Variants in RANBP2 observed in about 807,000 individuals in gnomAD.
RANBP2 encodes the protein E3 SUMO-protein ligase RanBP2.
A neutral mutation model predicts 303.6 loss-of-function variants in RANBP2; 57 were observed. The ratio of observed to expected loss-of-function variants is 0.19; its 90% confidence interval spans 0.15 to 0.23. The LOEUF is 0.23. Among genes scored for constraint, RANBP2 ranks in the 10% least tolerant of loss-of-function variants. The probability of loss-of-function intolerance (pLI) is 1.00; values close to 1 mark genes in which losing one functional copy is unlikely to be tolerated. For synonymous variants in RANBP2, 1,167 were observed against 1,301.5 expected, an observed-to-expected ratio of 0.90 and a Z score of 2.23; for missense variants, 3,138 against 3,780.8, an observed-to-expected ratio of 0.83 and a Z score of 4.46.
the RANBP2 span, among the ~76,000 whole-genome samples, chr2:109,522,469 G>GT: frequency 6.6e-6 from 1 of 152,040 alleles, no homozygotes; most frequent in East Asian, 1.9e-4. Flanking sequence ...GCTAATTTTT[G>GT]TATTTTTAGT....
the RANBP2 span, among the ~76,000 whole-genome samples, chr2:109,267,797 G>T: frequency 1.3e-5 from 2 of 152,234 alleles, no homozygotes; most frequent in Admixed American, 6.5e-5. Flanking sequence ...GCCGAGTCAA[G>T]CCCTGTTGGG....
intron 4 of RANBP2, among the ~76,000 whole-genome samples, chr2:108,732,601 C>CT (rs1695253019): frequency 6.6e-6 from 1 of 152,134 alleles, no homozygotes; most frequent in Admixed American, 6.5e-5. Flanking sequence ...GTATAGTTTT[C>CT]TTTCATTTTA....
At chr2:109,471,356 C>T in the RANBP2 span, among the ~76,000 whole-genome samples, 7 of 152,080 alleles carry the variant, frequency 4.6e-5, no homozygotes, top group Non-Finnish European at 8.8e-5. Context: ...CAAGCACCTT[C>T]TTCACAAGGC....
In RANBP2 at chr2:108,722,982, G is replaced by A. The variant is rs1158717557; in HGVS notation, c.72+3304G>A. Reference sequence around the variant, plus strand: ...GTTTAGTTTTTCTATGTTCTGTCAAGTTGATTTCTTATTCTGCAGCTGATT... The same window carrying A: ...GTTTAGTTTTTCTATGTTCTGTCAAATTGATTTCTTATTCTGCAGCTGATT... On this transcript the variant is annotated intron_variant, in intron 1 of 28. Coordinates refer to ENST00000283195, the MANE Select transcript of RANBP2 (RefSeq NM_006267.5). Among the ~76,000 whole-genome samples the A allele has an allele frequency of 3.9e-5, 6 of 152,184 alleles. No homozygotes were observed. In the South Asian group the frequency reaches 8.3e-4, roughly 21 times the overall value.
chr2:108,866,511 T>C, the RANBP2 span, among the ~76,000 whole-genome samples: 1 of 152,220 alleles, frequency 6.6e-6, no homozygotes, highest in Non-Finnish European at 1.5e-5. Context: ...GCATTTAGGA[T>C]ATTCCATGTA....
the RANBP2 span, among the ~76,000 whole-genome samples, chr2:108,814,353 A>G: frequency 1.0e-3 from 153 of 152,154 alleles, no homozygotes; most frequent in African/African-American, 3.4e-3. Flanking sequence ...GATCATTTTG[A>G]TATTTTGATA....
the RANBP2 span, among the ~76,000 whole-genome samples, chr2:109,259,022 C>G: frequency 6.6e-6 from 1 of 152,252 alleles, no homozygotes; most frequent in African/African-American, 2.4e-5. Flanking sequence ...ACTGTGTAGG[C>G]TGCCTCGGGA....
At chr2:109,722,382 G>T in the RANBP2 span, among the ~76,000 whole-genome samples, 3 of 152,180 alleles carry the variant, frequency 2.0e-5, no homozygotes, top group African/African-American at 7.2e-5. Flanking sequence ...GGAAGGGAGG[G>T]TTCATAGCCC....
At chr2:109,614,095 A>G in the RANBP2 span, 7 of 1,210,256 alleles carry the variant, frequency 5.8e-6, no homozygotes, top group Non-Finnish European at 7.2e-6. Flanking sequence ...CTGAGGACTG[A>G]GCGTCAGCGT....
At chr2:109,074,560 G>T in the RANBP2 span, among the ~76,000 whole-genome samples, 1 of 149,568 alleles carries the variant, frequency 6.7e-6, no homozygotes, top group African/African-American at 2.4e-5. Flanking sequence ...AATTAGCAGG[G>T]TGTGGTGGCA....
the RANBP2 span, among the ~76,000 whole-genome samples, chr2:109,406,720 T>A: frequency 1.3e-5 from 2 of 152,234 alleles, no homozygotes; most frequent in Admixed American, 1.3e-4. Context: ...TGTTTATTAC[T>A]GAGCCCATTA....
At chr2:109,090,216 C>T in the RANBP2 span, among the ~76,000 whole-genome samples, 1 of 151,854 alleles carries the variant, frequency 6.6e-6, no homozygotes, top group African/African-American at 2.4e-5. Context: ...CAATGGTACT[C>T]TGTCCTTATG....
the RANBP2 span, among the ~76,000 whole-genome samples, chr2:109,357,115 CAG>C: frequency 1.3e-5 from 2 of 150,540 alleles, no homozygotes; most frequent in African/African-American, 4.9e-5. Flanking sequence ...CATAACATAT[CAG>C]AAAGTTCACT....
chr2:108,926,046 C>T, the RANBP2 span, among the ~76,000 whole-genome samples: 1 of 152,190 alleles, frequency 6.6e-6, no homozygotes, highest in Non-Finnish European at 1.5e-5. Flanking sequence ...CTGCATGCAA[C>T]ATTTCTAAAT....
chr2:108,920,396 C>T, the RANBP2 span, among the ~76,000 whole-genome samples: 3 of 152,322 alleles, frequency 2.0e-5, no homozygotes, highest in Non-Finnish European at 4.4e-5. Flanking sequence ...CTCCCTGCCC[C>T]CACTGTCATT....
the RANBP2 span, among the ~76,000 whole-genome samples, chr2:109,222,178 T>TGCCA: frequency 6.6e-6 from 1 of 152,188 alleles, no homozygotes; most frequent in African/African-American, 2.4e-5. Context: ...GAGTGCCAGA[T>TGCCA]GCCAGTGTCT....
the RANBP2 span, among the ~76,000 whole-genome samples, chr2:108,817,229 AC>A: frequency 2.1e-4 from 32 of 151,992 alleles, no homozygotes; most frequent in Admixed American, 2.0e-3. Flanking sequence ...CAGAGACTCA[AC>A]CCCCTCTTGC....
At chr2:108,828,710 G>T in the RANBP2 span, among the ~76,000 whole-genome samples, 2 of 152,124 alleles carry the variant, frequency 1.3e-5, no homozygotes, top group African/African-American at 4.8e-5. Flanking sequence ...TGGGCGTGGT[G>T]GTTCACATTT....
chr2:108,914,877 C>G, the RANBP2 span, among the ~76,000 whole-genome samples: 1 of 152,180 alleles, frequency 6.6e-6, no homozygotes, highest in East Asian at 1.9e-4. Context: ...GCCCATGCAG[C>G]AAGGCTTCCG....
Sources: gnomAD v4.1 joint callset for allele counts (sites outside exome capture counted in the v4.1 genomes callset) on GRCh38, gnomAD v4.1.1 for gene constraint, MANE v1.5 for transcripts, NCBI Gene and HGNC (gene_info 2026-07-23, HGNC 2026-07-21) for gene names.